Variants in MARCHF4 observed in about 807,000 individuals in gnomAD.
MARCHF4 encodes E3 ubiquitin-protein ligase MARCHF4.
A neutral mutation model predicts 43.9 loss-of-function variants in MARCHF4; 14 were observed. That is an observed-to-expected ratio of 0.32 (90% CI 0.21 to 0.50). The LOEUF (loss-of-function observed/expected upper bound fraction) is 0.50. Ranked by LOEUF, MARCHF4 falls within the 20% of genes least tolerant of loss-of-function variation. The probability of loss-of-function intolerance (pLI) is 0.98; values close to 1 mark genes in which losing one functional copy is unlikely to be tolerated. For missense variants in MARCHF4, 468 were observed against 536.7 expected, an observed-to-expected ratio of 0.87 and a Z score of 1.27; for synonymous variants, 226 against 213.3, an observed-to-expected ratio of 1.06 and a Z score of -0.52.
intron 1 of MARCHF4, among the ~76,000 whole-genome samples, chr2:216,336,743 A>T (rs946650180): frequency 3.7e-5 from 3 of 81,390 alleles, no homozygotes; most frequent in African/African-American, 1.4e-4. Flanking sequence ...AAATAGATTT[A>T]AAAAAAAAAA....
intron 3 of MARCHF4, among the ~76,000 whole-genome samples, chr2:216,261,252 G>T (rs979353603): frequency 1.3e-5 from 2 of 152,154 alleles, no homozygotes; most frequent in African/African-American, 4.8e-5. Flanking sequence ...GGCACCTTCT[G>T]GTTCTTTCTG....
At chr2:216,361,869 G>A (rs1201366809) in intron 1 of MARCHF4, among the ~76,000 whole-genome samples, 2 of 152,140 alleles carry the variant, frequency 1.3e-5, no homozygotes, top group East Asian at 1.9e-4. Context: ...AGACACACTG[G>A]TGGGATGGGG....
chr2:216,308,719 T>C (rs1258401276), intron 1 of MARCHF4, among the ~76,000 whole-genome samples: 2 of 152,184 alleles, frequency 1.3e-5, no homozygotes, highest in Non-Finnish European at 2.9e-5. Flanking sequence ...ACCCAGACTA[T>C]GACGTATGCG....
chr2:216,273,042 T>G (rs1690964169), intron 3 of MARCHF4, among the ~76,000 whole-genome samples: 1 of 152,190 alleles, frequency 6.6e-6, no homozygotes, highest in Non-Finnish European at 1.5e-5. Context: ...TGGATGGGGT[T>G]GAAGCAGCTC....
intron 1 of MARCHF4, among the ~76,000 whole-genome samples, chr2:216,338,763 G>T (rs183036351): frequency 6.6e-6 from 1 of 152,102 alleles, no homozygotes; most frequent in Non-Finnish European, 1.5e-5. Context: ...GCTGAACTAG[G>T]ATACTCATGG....
chr2:216,304,709 A>G (rs6712726), intron 1 of MARCHF4, among the ~76,000 whole-genome samples: 10,454 of 152,146 alleles, frequency 0.069, 1,182 homozygotes, highest in African/African-American at 0.24. Flanking sequence ...GAAAACATTC[A>G]TAGGGAGGCT....
intron 1 of MARCHF4, among the ~76,000 whole-genome samples, chr2:216,289,768 G>C (rs206367): frequency 0.99 from 151,486 of 152,342 alleles, 75,323 homozygotes; most frequent in Middle Eastern, 1. Context: ...AAAGGCAGTC[G>C]TGTACCATGC....
intron 2 of MARCHF4, among the ~76,000 whole-genome samples, chr2:216,281,803 A>G (rs1373491123): frequency 2.0e-5 from 3 of 152,220 alleles, no homozygotes; most frequent in Non-Finnish European, 4.4e-5. Flanking sequence ...AGTGGAAGAC[A>G]GGGTAGGGAC....
chr2:216,270,187 T>A (rs1035957759), intron 3 of MARCHF4, among the ~76,000 whole-genome samples: 1 of 152,152 alleles, frequency 6.6e-6, no homozygotes. Context: ...GTGATCCTCC[T>A]GTCTCAGCCT....
At chr2:216,322,261 G>A (rs898350636) in intron 1 of MARCHF4, among the ~76,000 whole-genome samples, 1 of 152,228 alleles carries the variant, frequency 6.6e-6, no homozygotes, top group African/African-American at 2.4e-5. Context: ...TGGACCTCAA[G>A]TCATTAGGAG....
intron 1 of MARCHF4, among the ~76,000 whole-genome samples, chr2:216,316,940 C>T (rs575492724): frequency 2.2e-4 from 33 of 152,212 alleles, no homozygotes; most frequent in South Asian, 8.3e-4. Flanking sequence ...GGAGTGGCTA[C>T]GGACGTCTGA....
chr2:216,274,739 C>A (rs1046347023), intron 3 of MARCHF4, among the ~76,000 whole-genome samples: 1 of 152,176 alleles, frequency 6.6e-6, no homozygotes, highest in Non-Finnish European at 1.5e-5. Flanking sequence ...CCTATGAAAA[C>A]CCTGAACTGA....
At chr2:216,282,070 C>A (rs1691138274) in intron 2 of MARCHF4, among the ~76,000 whole-genome samples, 1 of 152,066 alleles carries the variant, frequency 6.6e-6, no homozygotes, top group Non-Finnish European at 1.5e-5. Flanking sequence ...GCATTCAGAC[C>A]CCTGCTGGAA....
intron 1 of MARCHF4, among the ~76,000 whole-genome samples, chr2:216,297,594 G>A (rs538724164): frequency 3.9e-5 from 6 of 152,246 alleles, no homozygotes; most frequent in South Asian, 2.1e-4. Context: ...TCACCGCAAC[G>A]TCCGCCTCCC....
chr2:216,289,089 T>A (rs978850295), intron 1 of MARCHF4, among the ~76,000 whole-genome samples: 9 of 149,500 alleles, frequency 6.0e-5, no homozygotes, highest in Admixed American at 3.3e-4. Context: ...TTATTTATTT[T>A]TTTTGGAGAC....
At chr2:216,263,890 T>C (rs760713730) in intron 3 of MARCHF4, among the ~76,000 whole-genome samples, 1 of 152,156 alleles carries the variant, frequency 6.6e-6, no homozygotes, top group Non-Finnish European at 1.5e-5. Context: ...AGGGATGAGC[T>C]GAGCAGGAAA....
At chr2:216,262,620 T>G (rs1690760171) in intron 3 of MARCHF4, among the ~76,000 whole-genome samples, 1 of 152,024 alleles carries the variant, frequency 6.6e-6, no homozygotes, top group Admixed American at 6.6e-5. Context: ...GTGTGGTTAC[T>G]AGCAATTATG....
At chr2:216,343,226 T>TGAGTG (rs1692261384) in intron 1 of MARCHF4, among the ~76,000 whole-genome samples, 1 of 152,200 alleles carries the variant, frequency 6.6e-6, no homozygotes. Context: ...TATCATAGAC[T>TGAGTG]GAGTGGCTTA....
intron 1 of MARCHF4, among the ~76,000 whole-genome samples, chr2:216,354,189 C>T (rs747493496): frequency 8.5e-5 from 13 of 152,190 alleles, no homozygotes; most frequent in East Asian, 3.8e-4. Flanking sequence ...CACCCTACCC[C>T]GCATTCTGGG....
Sources: allele counts gnomAD v4.1 joint callset (sites outside exome capture counted in the v4.1 genomes callset), GRCh38; gene constraint gnomAD v4.1.1; transcripts MANE v1.5; gene names NCBI Gene and HGNC (gene_info 2026-07-23, HGNC 2026-07-21).